Variants in NDRG3 observed in about 807,000 individuals in gnomAD.
NDRG3 encodes protein NDRG3.
A neutral mutation model predicts 57.2 loss-of-function variants in NDRG3; 23 were observed. That is an observed-to-expected ratio of 0.40 (90% confidence interval 0.29 to 0.57). NDRG3 has a LOEUF of 0.57. NDRG3 is among the 20% of genes least tolerant of loss of function. NDRG3 has a pLI of 0.42. For synonymous variants in NDRG3, 132 were observed against 162.6 expected (o/e 0.81, Z 1.43); for missense variants, 384 against 457.3 (o/e 0.84, Z 1.46).
chr20:36,727,116 C>G (rs1206140254), intron 1 of NDRG3, among the ~76,000 whole-genome samples: 2 of 152,106 alleles, frequency 1.3e-5, no homozygotes, highest in African/African-American at 4.8e-5. Context: ...CAGGGCTTCC[C>G]TGTTAGCAAG....
intron 1 of NDRG3, 55 bp from the exon 2 acceptor site, chr20:36,721,838 A>G (rs1306317191): frequency 1.3e-6 from 1 of 796,368 alleles, no homozygotes; most frequent in Admixed American, 2.2e-5. Flanking sequence ...AGTTGGAAAC[A>G]TAATAGTCAC....
At chr20:36,725,275 C>A (rs746844505) in intron 1 of NDRG3, among the ~76,000 whole-genome samples, 1 of 147,122 alleles carries the variant, frequency 6.8e-6, no homozygotes, top group East Asian at 2.0e-4. Flanking sequence ...CCAGCCTGGG[C>A]GACAGAGTGA....
intron 1 of NDRG3, among the ~76,000 whole-genome samples, chr20:36,724,147 C>T (rs774092732): frequency 3.3e-5 from 5 of 152,166 alleles, no homozygotes; most frequent in Non-Finnish European, 7.4e-5. Context: ...ATAAATCCTG[C>T]TCCCAGCTAT....
At chr20:36,723,659 AGTGTGTGTGTGTGTGTGTGTGTGT>A (rs36022065) in intron 1 of NDRG3, among the ~76,000 whole-genome samples, 1 of 132,934 alleles carries the variant, frequency 7.5e-6, no homozygotes, top group Non-Finnish European at 1.6e-5. Flanking sequence ...ATATTAGTCT[AGTGTGTGTGTGTGTGTGTGTGTGT>A]GTGTGTGTGT....
chr20:36,653,536 A>G lies in NDRG3; in HGVS notation c.1112T>C (p.Met371Thr). The G allele has an allele frequency of 6.2e-7, 1 of 1,614,076 alleles. No homozygotes were observed. The highest frequency in any genetic ancestry group is 8.5e-7 in the Non-Finnish European group (1 of 1,179,956). Residue 371 changes from methionine to threonine, a missense_variant, in exon 16 of 16, where the codon ATG becomes ACG. Transcript: ENST00000349004. This position sits in a 1 kb window ranked among gnomAD's most constrained non-coding sequence, Gnocchi z 4.2. ...SPDVLDRHQT[M>T]EVSC ...AGCATCTGCTTAGCAGGACACCTCC[A>G]TGGTCTGGTGTCTGTCCAGGACATC... is the stretch of plus-strand genomic sequence containing the variant.
chr20:36,697,357 T>C (rs1178383128), intron 3 of NDRG3, among the ~76,000 whole-genome samples: 1 of 152,122 alleles, frequency 6.6e-6, no homozygotes, highest in Non-Finnish European at 1.5e-5. Flanking sequence ...CTTACTAATA[T>C]GTCCTTTGTG....
rs1490119338 is a variant in NDRG3 at position 36,733,203 on chromosome 20, T to TATATATATATATGC, written c.-48-11421_-48-11420insGCATATATATATAT. ...ATATATATATATATATATATATATA[T>TATATATATATATGC]GCACATATAAATTTCTTTGTTAGTT... On this transcript the variant is annotated intron_variant, in intron 1 of 15. Coordinates refer to ENST00000349004, the MANE Select transcript of NDRG3 (RefSeq NM_032013.4). 3.1e-5 allele frequency among the ~76,000 whole-genome samples: 4 copies of TATATATATATATGC among 130,200 alleles called. No homozygotes were observed. The East Asian group carries it at 1.1e-3, about 36-fold the overall frequency. 85.4% of individuals were successfully genotyped at this position (130,200 alleles called of 152,430 possible).
At chr20:36,740,404 T>C (rs1016937528) in intron 1 of NDRG3, among the ~76,000 whole-genome samples, 3 of 152,214 alleles carry the variant, frequency 2.0e-5, no homozygotes, top group Non-Finnish European at 4.4e-5. Flanking sequence ...TGGAGTGCAA[T>C]GGTGTGATCT....
chr20:36,656,916 T>C (rs1031188226), intron 13 of NDRG3, among the ~76,000 whole-genome samples: 1 of 152,174 alleles, frequency 6.6e-6, no homozygotes, highest in Non-Finnish European at 1.5e-5. Flanking sequence ...AACTCTACAT[T>C]ATCTTTCCTC....
Position 36,730,247 on chromosome 20 carries a change from C to CA in NDRG3, c.-48-8465dup, listed in dbSNP as rs36065530. ...GGGCGACAGAGCGAGACTCTGTCTC[C>CA]AAAAAAAAAAAAAAATTGTTTTTTT... On this transcript the variant is annotated intron_variant, in intron 1 of 15. Transcript: ENST00000349004. Among the ~76,000 whole-genome samples the CA allele has an allele frequency of 7.9e-3, 929 of 118,148 alleles. 5 individuals are homozygous for CA. Among genetic ancestry groups the CA allele is most frequent in the East Asian group, 0.042 (158 of 3,804 alleles). 77.5% of individuals were successfully genotyped at this position (118,148 alleles called of 152,430 possible).
intron 2 of NDRG3, among the ~76,000 whole-genome samples, chr20:36,717,454 A>C (rs1225196152): frequency 6.6e-6 from 1 of 152,236 alleles, no homozygotes; most frequent in African/African-American, 2.4e-5. Context: ...TTCTCCTTAA[A>C]GAGACAGGGT....
In NDRG3 at chr20:36,723,817, G is replaced by C. The variant is rs1275265; in HGVS notation, c.-48-2034C>G. The stretch of plus-strand genomic sequence containing the variant: ...CGCCTCCTGGGCTCAAGCGATTCTC[G>C]TGCCTCAGTCTCCCGAGAAGCTGGG... On this transcript the variant is annotated intron_variant, in intron 1 of 15. Transcript: ENST00000349004. 2.0e-5 allele frequency among the ~76,000 whole-genome samples: 3 copies of C among 151,286 alleles called. No homozygotes were observed. The Admixed American group carries it at 2.0e-4, about 10-fold the overall frequency.
chr20:36,676,923 T>C (rs999614938), intron 8 of NDRG3, among the ~76,000 whole-genome samples: 6 of 152,220 alleles, frequency 3.9e-5, no homozygotes, highest in African/African-American at 7.2e-5. Context: ...TCCTGCTCTA[T>C]GGAGCAAGCA....
At chr20:36,698,805 C>T (rs968775157) in intron 3 of NDRG3, among the ~76,000 whole-genome samples, 7 of 151,960 alleles carry the variant, frequency 4.6e-5, no homozygotes, top group Non-Finnish European at 7.4e-5. Context: ...AGCATTAATA[C>T]ACACAGAAAA....
intron 2 of NDRG3, among the ~76,000 whole-genome samples, chr20:36,714,756 G>A (rs1984130083): frequency 6.6e-6 from 1 of 151,526 alleles, no homozygotes; most frequent in Non-Finnish European, 1.5e-5. Flanking sequence ...TGGGACTACA[G>A]GCACGTGCCA....
At chr20:36,700,559 C>A (rs1983156455) in intron 3 of NDRG3, 1 of 516,320 alleles carries the variant, frequency 1.9e-6, no homozygotes. Context: ...CAGGCCACTG[C>A]AGGGAGTAAC....
chr20:36,744,380 T>C (rs981102228), intron 1 of NDRG3, among the ~76,000 whole-genome samples: 1 of 151,514 alleles, frequency 6.6e-6, no homozygotes, highest in Non-Finnish European at 1.5e-5. Context: ...CACCACGCTT[T>C]GAGTAATGAA....
chr20:36,653,670 T>A lies in NDRG3; in HGVS notation c.978A>T (p.Arg326=). 6.2e-7 allele frequency: 1 copy of A among 1,613,918 alleles called. No individual in the cohort carries two copies. The highest frequency in any genetic ancestry group is 1.7e-4 in the Middle Eastern group (1 of 6,050). The change falls in exon 16 of 16, where the codon CGA becomes CGT. Residue 326 remains arginine (R), a synonymous_variant. Coordinates refer to ENST00000349004, the MANE Select transcript of NDRG3 (RefSeq NM_032013.4). The surrounding 1 kb of genome is among the most constrained non-coding windows in gnomAD (Gnocchi z 4.2). ...TACTCGAGGTTGAGTGGGTTCGTGA[T>A]CGGGCGAGCCGAGTCATGCTGGCAG... ...IPSASMTRLA[R]SRTHSTSSSL...
intron 2 of NDRG3, among the ~76,000 whole-genome samples, chr20:36,718,262 G>A (rs1984389718): frequency 6.6e-6 from 1 of 152,194 alleles, no homozygotes; most frequent in Non-Finnish European, 1.5e-5. Flanking sequence ...GTTTGGAGGT[G>A]CCATGATCTA....
Sources: gnomAD v4.1 joint callset for allele counts (sites outside exome capture counted in the v4.1 genomes callset) on GRCh38, gnomAD v4.1.1 for gene constraint, Gnocchi (gnomAD v3.1) non-coding constraint, MANE v1.5 for transcripts, NCBI Gene and HGNC (gene_info 2026-07-23, HGNC 2026-07-21) for gene names.